Variants in PLXNA4 observed in about 807,000 individuals in gnomAD.
The protein encoded by PLXNA4 is plexin A4.
Under a neutral mutation model 191.8 loss-of-function variants are expected in PLXNA4, and 44 were observed. The ratio of observed to expected loss-of-function variants is 0.23; its 90% CI spans 0.18 to 0.29. The LOEUF is 0.29. Ranked by LOEUF, PLXNA4 falls within the 10% of genes least tolerant of loss-of-function variation. PLXNA4 has a pLI of 1.00. For synonymous variants in PLXNA4, 1,082 were observed against 1,009.5 expected (o/e 1.07, Z -1.36); for missense variants, 1,800 against 2,488.8 (o/e 0.72, Z 5.89).
chr7:132,250,599 G>A (rs901137957), intron 4 of PLXNA4, among the ~76,000 whole-genome samples: 3 of 152,126 alleles, frequency 2.0e-5, no homozygotes, highest in South Asian at 2.1e-4. Context: ...CCAGGGCTGC[G>A]GGGTTGCAAT....
At chr7:132,147,483 C>T (rs775661773) in intron 27 of PLXNA4, among the ~76,000 whole-genome samples, 6 of 152,174 alleles carry the variant, frequency 3.9e-5, no homozygotes, top group Non-Finnish European at 8.8e-5. Context: ...CAGAGCCTCG[C>T]ACCTGGTCTG....
At position 132,182,568 on chromosome 7, in the gene PLXNA4, T is replaced by A. The variant is rs185387171; in HGVS notation, c.3159-378A>T. 6.3e-4 allele frequency among the ~76,000 whole-genome samples: 96 copies of A among 152,264 alleles called. 3 individuals carry two copies. The highest frequency in any genetic ancestry group is 5.4e-3 in the Admixed American group (83 of 15,288). On this transcript the variant is annotated intron_variant, in intron 16 of 31. Transcript: ENST00000321063. ...CCCTGGTCCTCACCAATCTTGGGAC[T>A]TTTTAAACATTAGCTTTGGCCTCAT...
intron 2 of PLXNA4, among the ~76,000 whole-genome samples, chr7:132,593,760 G>C (rs1328120205): frequency 2.0e-5 from 3 of 152,360 alleles, no homozygotes; most frequent in Non-Finnish European, 4.4e-5. Flanking sequence ...TCCCCAGAGA[G>C]GGAAACAAGT....
At chr7:132,327,015 AG>A (rs1005531715) in intron 3 of PLXNA4, among the ~76,000 whole-genome samples, 9 of 143,970 alleles carry the variant, frequency 6.3e-5, no homozygotes, top group African/African-American at 2.3e-4. Context: ...GAAGAAAAAG[AG>A]GGAAGAGAGG....
intron 2 of PLXNA4, among the ~76,000 whole-genome samples, chr7:132,630,809 C>T (rs750837064): frequency 2.6e-5 from 4 of 152,156 alleles, no homozygotes; most frequent in Non-Finnish European, 5.9e-5. Context: ...CTGCGCCTGG[C>T]CTTTATTTGA....
intron 3 of PLXNA4, among the ~76,000 whole-genome samples, chr7:132,313,164 C>G (rs1482989971): frequency 3.9e-5 from 6 of 152,100 alleles, no homozygotes; most frequent in Non-Finnish European, 1.5e-5. Context: ...TTTCCTCAAG[C>G]CTAGAGTCAA....
At chr7:132,265,391 G>A (rs1239274827) in intron 4 of PLXNA4, among the ~76,000 whole-genome samples, 3 of 152,200 alleles carry the variant, frequency 2.0e-5, no homozygotes, top group Non-Finnish European at 2.9e-5. Context: ...GTCAGGCAAC[G>A]CAGCACCTTA....
intron 12 of PLXNA4, 122 bp downstream of exon 12, chr7:132,202,524 C>G: frequency 9.3e-7 from 1 of 1,078,482 alleles, no homozygotes; most frequent in Non-Finnish European, 1.2e-6. Context: ...CCAGGCAGAG[C>G]AACCAAGTCC....
chr7:132,258,380 A>G (rs1799506215), intron 4 of PLXNA4, among the ~76,000 whole-genome samples: 1 of 152,196 alleles, frequency 6.6e-6, no homozygotes, highest in African/African-American at 2.4e-5. Context: ...TTTATCAGAA[A>G]TTGCCTAGTG....
intron 3 of PLXNA4, among the ~76,000 whole-genome samples, chr7:132,376,200 G>A (rs995509914): frequency 6.6e-6 from 1 of 152,174 alleles, no homozygotes; most frequent in Non-Finnish European, 1.5e-5. Flanking sequence ...ATCATCACCA[G>A]GGATCCCAGC....
At chr7:132,171,728 G>A (rs1030600522) in intron 21 of PLXNA4, among the ~76,000 whole-genome samples, 1 of 152,160 alleles carries the variant, frequency 6.6e-6, no homozygotes, top group Non-Finnish European at 1.5e-5. Flanking sequence ...CAGTGAAATA[G>A]CATCCTATTC....
intron 20 of PLXNA4, among the ~76,000 whole-genome samples, chr7:132,176,485 G>C (rs954845430): frequency 1.5e-4 from 23 of 152,306 alleles, no homozygotes; most frequent in Non-Finnish European, 2.9e-4. Context: ...CATAGGTGTG[G>C]GTGCATGGGC....
At chr7:132,272,872 C>T (rs1430419434) in intron 4 of PLXNA4, among the ~76,000 whole-genome samples, 5 of 152,144 alleles carry the variant, frequency 3.3e-5, no homozygotes, top group Non-Finnish European at 7.4e-5. Flanking sequence ...CGTTCTTCAT[C>T]GCTCGTTCTC....
At chr7:132,292,685 G>A (rs548087272) in intron 4 of PLXNA4, among the ~76,000 whole-genome samples, 3 of 152,290 alleles carry the variant, frequency 2.0e-5, no homozygotes, top group East Asian at 3.9e-4. Flanking sequence ...CTAGACACAA[G>A]AGAGACAAGG....
upstream of PLXNA4, among the ~76,000 whole-genome samples, chr7:132,579,777 G>C (rs182471890): frequency 0.038 from 5,796 of 152,246 alleles, 257 homozygotes; most frequent in African/African-American, 0.1. Context: ...CCTTTCCCCG[G>C]TTGCCTTCCA....
intron 9 of PLXNA4, among the ~76,000 whole-genome samples, chr7:132,221,359 C>T (rs1297947215): frequency 6.6e-6 from 1 of 152,218 alleles, no homozygotes; most frequent in Non-Finnish European, 1.5e-5. Context: ...CCTCTCCGCA[C>T]ATAGAACCTC....
chr7:132,518,507 T>A (rs186053842), intron 1 of PLXNA4, among the ~76,000 whole-genome samples: 1 of 152,022 alleles, frequency 6.6e-6, no homozygotes, highest in East Asian at 1.9e-4. Context: ...AACTGTGAAA[T>A]TGATGACTGG....
At chr7:132,555,840 C>A (rs758581365) in intron 1 of PLXNA4, among the ~76,000 whole-genome samples, 1 of 152,202 alleles carries the variant, frequency 6.6e-6, no homozygotes, top group Non-Finnish European at 1.5e-5. Flanking sequence ...CTTTGAAAGC[C>A]TTGCATCAGA....
chr7:132,203,228 G>T, intron 11 of PLXNA4, 95 bp downstream of exon 11: 1 of 1,131,390 alleles, frequency 8.8e-7, no homozygotes, highest in Non-Finnish European at 1.3e-6. Context: ...AGGAGGCGGG[G>T]GCAGAATGAC....
Sources: allele counts gnomAD v4.1 joint callset (sites outside exome capture counted in the v4.1 genomes callset), GRCh38; gene constraint gnomAD v4.1.1; transcripts MANE v1.5; gene names NCBI Gene and HGNC (gene_info 2026-07-23, HGNC 2026-07-21).